Variants in TEAD1 observed in about 807,000 individuals in gnomAD.
TEAD1 encodes the protein TEA domain transcription factor 1.
A neutral mutation model predicts 54.9 loss-of-function variants in TEAD1; 9 were observed. That is an observed-to-expected ratio of 0.16 (90% CI 0.10 to 0.29). The LOEUF (loss-of-function observed/expected upper bound fraction) is 0.29, where lower values mean the gene tolerates loss of function less well. Ranked by LOEUF, TEAD1 falls within the 10% of genes least tolerant of loss-of-function variation. The probability of loss-of-function intolerance (pLI) is 1.00; values close to 1 mark genes in which losing one functional copy is unlikely to be tolerated. For missense variants in TEAD1, 387 were observed against 535.9 expected, an observed-to-expected ratio of 0.72 and a Z score of 2.74; for synonymous variants, 200 against 187.8, an observed-to-expected ratio of 1.07 and a Z score of -0.53.
At chr11:12,893,722 T>A (rs532806562) in intron 9 of TEAD1, among the ~76,000 whole-genome samples, 86 of 151,876 alleles carry the variant, frequency 5.7e-4, no homozygotes, top group Non-Finnish European at 1.0e-3. Flanking sequence ...CGGTGTGAGA[T>A]CCCGGAAGGA....
At chr11:12,887,254 G>T (rs7481217) in intron 9 of TEAD1, among the ~76,000 whole-genome samples, 1 of 151,734 alleles carries the variant, frequency 6.6e-6, no homozygotes, top group Non-Finnish European at 1.5e-5. Context: ...CCACCACCAC[G>T]CCCGGCTAAT....
chr11:12,915,758 C>G (rs1268130802), intron 10 of TEAD1, among the ~76,000 whole-genome samples: 1 of 152,204 alleles, frequency 6.6e-6, no homozygotes, highest in Non-Finnish European at 1.5e-5. Context: ...GCAGTAGAAT[C>G]TCTTGAACCC....
chr11:12,899,188 C>T (rs1452792373), intron 9 of TEAD1, among the ~76,000 whole-genome samples: 3 of 152,226 alleles, frequency 2.0e-5, no homozygotes, highest in Admixed American at 6.5e-5. Flanking sequence ...TTGCAGAAGG[C>T]GCTAGAATGG....
At position 12,941,126 on chromosome 11, in the gene TEAD1, G is replaced by A. The variant is rs953803359; in HGVS notation, c.*3904G>A. 1 of 152,232 alleles carries A rather than the reference G, an allele frequency of 6.6e-6. No homozygotes were observed. Among genetic ancestry groups the A allele is most frequent in the Non-Finnish European group, 1.5e-5 (1 of 68,062 alleles). 9.4% of individuals were successfully genotyped at this position (152,232 alleles called of 1,614,324 possible). ...TAGGTGCTCTAAGCTTAATCCCTCA[G>A]AATGTGTGGACAGGTCAGCTTAGAA... On this transcript the variant is annotated 3_prime_UTR_variant, in exon 13 of 13. Coordinates refer to ENST00000527636, the MANE Select transcript of TEAD1 (RefSeq NM_021961.6).
At chr11:12,824,775 A>G (rs904237480) in intron 3 of TEAD1, among the ~76,000 whole-genome samples, 34 of 152,178 alleles carry the variant, frequency 2.2e-4, no homozygotes, top group Admixed American at 1.9e-3. Flanking sequence ...GAGAGGGTTG[A>G]TGGGGCCGGG....
At chr11:12,839,660 C>CGG (rs1946982427) in intron 3 of TEAD1, among the ~76,000 whole-genome samples, 1 of 152,016 alleles carries the variant, frequency 6.6e-6, no homozygotes, top group Non-Finnish European at 1.5e-5. Flanking sequence ...CAGAATGTGG[C>CGG]GGGGGTTATC....
intron 2 of TEAD1, among the ~76,000 whole-genome samples, chr11:12,754,713 T>C (rs1207387180): frequency 1.3e-5 from 2 of 152,206 alleles, no homozygotes; most frequent in East Asian, 3.9e-4. Context: ...GGAGCTGTGG[T>C]TGAAGGACCA....
chr11:12,788,825 A>G (rs1945737033), intron 3 of TEAD1, among the ~76,000 whole-genome samples: 1 of 152,254 alleles, frequency 6.6e-6, no homozygotes, highest in African/African-American at 2.4e-5. Context: ...CAGGCATTTC[A>G]GTTTAAAGTT....
At chr11:12,879,963 T>C (rs1329434210) in intron 6 of TEAD1, 121 bp downstream of exon 6, 2 of 1,448,606 alleles carry the variant, frequency 1.4e-6, no homozygotes, top group East Asian at 4.6e-5. Flanking sequence ...GGGCAAAGGC[T>C]ACCTTGTCAA....
chr11:12,819,097 T>C (rs1946475574), intron 3 of TEAD1, among the ~76,000 whole-genome samples: 2 of 152,116 alleles, frequency 1.3e-5, no homozygotes, highest in South Asian at 4.1e-4. Flanking sequence ...AACTTTAGAA[T>C]TGGGATTGTC....
intron 3 of TEAD1, among the ~76,000 whole-genome samples, chr11:12,840,639 G>A (rs1213588041): frequency 6.6e-6 from 1 of 152,158 alleles, no homozygotes; most frequent in Non-Finnish European, 1.5e-5. Flanking sequence ...TATGTTAATA[G>A]ATATTCCCAA....
At chr11:12,864,447 A>G (rs1947572681) in intron 4 of TEAD1, among the ~76,000 whole-genome samples, 2 of 152,072 alleles carry the variant, frequency 1.3e-5, no homozygotes, top group Non-Finnish European at 2.9e-5. Context: ...TCCTGAATCA[A>G]GTCACTGCAG....
intron 3 of TEAD1, among the ~76,000 whole-genome samples, chr11:12,831,406 C>T (rs1946778465): frequency 6.6e-6 from 1 of 152,128 alleles, no homozygotes; most frequent in Non-Finnish European, 1.5e-5. Context: ...TACATATTCC[C>T]CCCAAACTCC....
intron 2 of TEAD1, among the ~76,000 whole-genome samples, chr11:12,762,626 A>AT (rs575636095): frequency 1.6e-4 from 24 of 149,864 alleles, no homozygotes; most frequent in Non-Finnish European, 2.1e-4. Flanking sequence ...TTTTTTGTGT[A>AT]TTTTTTTTTT....
chr11:12,711,515 AG>A (rs1416477599), intron 2 of TEAD1, among the ~76,000 whole-genome samples: 3 of 152,114 alleles, frequency 2.0e-5, no homozygotes, highest in Admixed American at 6.5e-5. Context: ...CCCTTTCCCC[AG>A]GGGTCCCTGG....
chr11:12,790,473 A>T (rs1413618738), intron 3 of TEAD1, among the ~76,000 whole-genome samples: 2 of 152,220 alleles, frequency 1.3e-5, no homozygotes, highest in Non-Finnish European at 2.9e-5. Flanking sequence ...TAAAATGGGA[A>T]TGATAGGACC....
chr11:12,805,604 A>T (rs1033712294), intron 3 of TEAD1, among the ~76,000 whole-genome samples: 1 of 152,192 alleles, frequency 6.6e-6, no homozygotes, highest in Non-Finnish European at 1.5e-5. Flanking sequence ...TATTTGCAAA[A>T]TGCTTGATCC....
Position 12,939,920 on chromosome 11 carries a change from G to T in TEAD1, c.*2698G>T, listed in dbSNP as rs1949144290. 1 of 152,094 alleles carries T rather than the reference G, an allele frequency of 6.6e-6. No homozygotes were observed. The highest frequency in any genetic ancestry group is 1.5e-5 in the Non-Finnish European group (1 of 68,054). The allele number at this position is 152,094 out of a possible 1,614,324, so 9.4% of individuals were successfully genotyped here. On this transcript the variant is annotated 3_prime_UTR_variant, in exon 13 of 13. Coordinates refer to ENST00000527636, the MANE Select transcript of TEAD1 (RefSeq NM_021961.6). The stretch of plus-strand genomic sequence containing the variant: ...TGTCTTTTGTCCTTCATTCTGTATG[G>T]CAGTCTCCCTTTGTTATAAAAGCTT...
At chr11:12,893,048 G>C (rs1948230609) in intron 9 of TEAD1, among the ~76,000 whole-genome samples, 1 of 152,208 alleles carries the variant, frequency 6.6e-6, no homozygotes, top group African/African-American at 2.4e-5. Context: ...GAAAGGTTAA[G>C]CAACTTGCCT....
Sources: gnomAD v4.1 joint callset for allele counts (sites outside exome capture counted in the v4.1 genomes callset) on GRCh38, gnomAD v4.1.1 for gene constraint, MANE v1.5 for transcripts, NCBI Gene and HGNC (gene_info 2026-07-23, HGNC 2026-07-21) for gene names.